EPB41L5: variants seen among roughly 807,000 people sequenced by gnomAD.
The protein encoded by EPB41L5 is erythrocyte membrane protein band 4.1 like 5, also known as band 4.1-like protein 5.
EPB41L5 carries 55 observed loss-of-function variants against 106.6 expected under a neutral mutation model. The observed-to-expected ratio is 0.52, with a 90% CI of 0.42 to 0.65. EPB41L5 has a LOEUF of 0.65. Among genes scored for constraint, EPB41L5 ranks in the 30% least tolerant of loss-of-function variants. The pLI is 0.00. For missense variants in EPB41L5, 871 were observed against 882.1 expected (o/e 0.99, Z 0.16); for synonymous variants, 297 against 306.7 (o/e 0.97, Z 0.33).
At chr2:120,029,659 T>G (rs530595520) in intron 2 of EPB41L5, among the ~76,000 whole-genome samples, 51 of 152,334 alleles carry the variant, frequency 3.3e-4, no homozygotes, top group African/African-American at 1.2e-3. Flanking sequence ...TTGTGGACTG[T>G]AAGTCCCCAA....
At chr2:120,116,011 A>G (rs1413099956) in intron 16 of EPB41L5, among the ~76,000 whole-genome samples, 1 of 151,764 alleles carries the variant, frequency 6.6e-6, no homozygotes, top group Non-Finnish European at 1.5e-5. Flanking sequence ...GGGTTTTGCC[A>G]TGTTGGTCAT....
intron 18 of EPB41L5, 30 bp from the exon 19 acceptor site, chr2:120,142,972 GT>G: frequency 6.3e-7 from 1 of 1,583,830 alleles, no homozygotes; most frequent in Non-Finnish European, 8.7e-7. Context: ...GTGCATCAGA[GT>G]TGATTATAGT....
chr2:120,149,025 T>TAA (rs1686544356), intron 20 of EPB41L5, among the ~76,000 whole-genome samples: 1 of 152,180 alleles, frequency 6.6e-6, no homozygotes, highest in African/African-American at 2.4e-5. Flanking sequence ...TGACAGTGCT[T>TAA]ATTATTCTCC....
intron 1 of EPB41L5, among the ~76,000 whole-genome samples, chr2:120,017,785 A>T (rs1677622675): frequency 6.6e-6 from 1 of 152,160 alleles, no homozygotes; most frequent in African/African-American, 2.4e-5. Flanking sequence ...GAATGCTCAG[A>T]AAAGAAATGG....
At chr2:120,103,871 TA>T (rs540123215) in intron 16 of EPB41L5, among the ~76,000 whole-genome samples, 12 of 152,362 alleles carry the variant, frequency 7.9e-5, no homozygotes, top group Non-Finnish European at 1.8e-4. Flanking sequence ...TCATTACATG[TA>T]ACTTTGTGGA....
chr2:120,083,795 G>A (rs577030850), intron 10 of EPB41L5, among the ~76,000 whole-genome samples: 1 of 152,252 alleles, frequency 6.6e-6, no homozygotes, highest in African/African-American at 2.4e-5. Flanking sequence ...TGTATTGGGT[G>A]CACATATATT....
At chr2:120,167,845 C>T in intron 23 of EPB41L5, 32 bp from the exon 24 acceptor site, 1 of 1,613,342 alleles carries the variant, frequency 6.2e-7, no homozygotes, top group Non-Finnish European at 8.5e-7. Flanking sequence ...GTATTGTTAC[C>T]CTGTATTTAG....
At chr2:120,106,921 G>A (rs1175078830) in intron 16 of EPB41L5, 1 of 954,704 alleles carries the variant, frequency 1.0e-6, no homozygotes, top group African/African-American at 1.8e-5. Flanking sequence ...GTCCTACTAT[G>A]TGTATAATAT....
chr2:120,028,849 A>G (rs546230274), intron 2 of EPB41L5, among the ~76,000 whole-genome samples: 1 of 152,228 alleles, frequency 6.6e-6, no homozygotes, highest in Non-Finnish European at 1.5e-5. Flanking sequence ...GTCTGCTGTC[A>G]TGAAGAGAGA....
intron 2 of EPB41L5, among the ~76,000 whole-genome samples, chr2:120,029,313 C>T (rs1420078993): frequency 6.6e-6 from 1 of 151,980 alleles, no homozygotes; most frequent in East Asian, 1.9e-4. Context: ...TACAGGTGGC[C>T]CACCACTATG....
At chr2:120,083,243 G>A (rs1356722718) in intron 10 of EPB41L5, among the ~76,000 whole-genome samples, 2 of 152,132 alleles carry the variant, frequency 1.3e-5, no homozygotes, top group Non-Finnish European at 2.9e-5. Context: ...TGGACATTTA[G>A]TGCTATAAAT....
chr2:120,118,708 G>A (rs1685068450), intron 16 of EPB41L5, among the ~76,000 whole-genome samples: 1 of 152,180 alleles, frequency 6.6e-6, no homozygotes, highest in Non-Finnish European at 1.5e-5. Context: ...GTATTCCATG[G>A]TGTAAATGTG....
chr2:120,133,493 GGTCT>G (rs1376395415), intron 18 of EPB41L5, among the ~76,000 whole-genome samples: 4 of 152,060 alleles, frequency 2.6e-5, no homozygotes, highest in South Asian at 4.2e-4. Context: ...AGTGTTTGTT[GGTCT>G]GTCTGTCGGA....
At chr2:120,055,861 A>G (rs749807603) in intron 3 of EPB41L5, among the ~76,000 whole-genome samples, 9 of 152,162 alleles carry the variant, frequency 5.9e-5, no homozygotes, top group Non-Finnish European at 1.2e-4. Flanking sequence ...TATGTATAAG[A>G]TCATGTCATC....
chr2:120,057,618 G>A (rs752983508), intron 3 of EPB41L5, among the ~76,000 whole-genome samples: 5 of 151,044 alleles, frequency 3.3e-5, no homozygotes, highest in Admixed American at 6.6e-5. Flanking sequence ...CAGTTACGCC[G>A]TCAAACATTT....
chr2:120,050,228 A>G (rs879863920), intron 3 of EPB41L5, among the ~76,000 whole-genome samples: 2 of 152,078 alleles, frequency 1.3e-5, no homozygotes, highest in Non-Finnish European at 2.9e-5. Context: ...TAGGTTGGGG[A>G]AGTTCTCCTG....
At chr2:120,158,206 CA>C (rs1211147855) in intron 20 of EPB41L5, among the ~76,000 whole-genome samples, 1 of 152,096 alleles carries the variant, frequency 6.6e-6, no homozygotes, top group African/African-American at 2.4e-5. Flanking sequence ...GAAACTATTT[CA>C]AAAAATTGAG....
rs528974015 is a variant in EPB41L5 at position 120,087,572 on chromosome 2, T to G, written c.873+332T>G. Among the ~76,000 whole-genome samples, 644 of 152,262 alleles carry G rather than the reference T, an allele frequency of 4.2e-3. 3 individuals carry two copies. Among genetic ancestry groups the G allele is most frequent in the Non-Finnish European group, 6.7e-3 (456 of 68,020 alleles). On this transcript the variant is annotated intron_variant, in intron 11 of 24. Coordinates refer to ENST00000263713, the MANE Select transcript of EPB41L5 (RefSeq NM_020909.4). Reference sequence around the variant, plus strand: ...TCATAGCTCACTGTAACCTTCACCTTCTGGGCTCAAGTGATCCTCCTGCTC... The same window carrying G: ...TCATAGCTCACTGTAACCTTCACCTGCTGGGCTCAAGTGATCCTCCTGCTC...
chr2:120,173,471 C>T (rs1263250247), intron 24 of EPB41L5, among the ~76,000 whole-genome samples: 1 of 152,104 alleles, frequency 6.6e-6, no homozygotes, highest in Non-Finnish European at 1.5e-5. Context: ...TAAGAATTTG[C>T]ATTTCTCCCA....
Sources: gnomAD v4.1 joint callset for allele counts (sites outside exome capture counted in the v4.1 genomes callset) on GRCh38, gnomAD v4.1.1 for gene constraint, MANE v1.5 for transcripts, NCBI Gene and HGNC (gene_info 2026-07-23, HGNC 2026-07-21) for gene names.